CDC73: variants seen among roughly 807,000 people sequenced by gnomAD.
CDC73 encodes parafibromin.
Under a neutral mutation model 83.7 loss-of-function variants are expected in CDC73, and 21 were observed. The observed-to-expected ratio is 0.25, with a 90% CI of 0.18 to 0.36. The LOEUF (loss-of-function observed/expected upper bound fraction) is 0.36, where lower values mean the gene tolerates loss of function less well. Among genes scored for constraint, CDC73 ranks in the 10% least tolerant of loss-of-function variants. The pLI is 1.00. For missense variants in CDC73, 342 were observed against 653.3 expected (o/e 0.52, Z 5.19); for synonymous variants, 224 against 212.9 (o/e 1.05, Z -0.45).
At chr1:193,129,232 A>T (rs993501168) in intron 2 of CDC73, among the ~76,000 whole-genome samples, 14 of 151,818 alleles carry the variant, frequency 9.2e-5, no homozygotes, top group African/African-American at 3.4e-4. Context: ...TCCCGACCTC[A>T]TGATCCACCC....
intron 15 of CDC73, among the ~76,000 whole-genome samples, chr1:193,243,955 T>C (rs1425917434): frequency 6.6e-6 from 1 of 152,164 alleles, no homozygotes; most frequent in African/African-American, 2.4e-5. Flanking sequence ...AAGCAATCCA[T>C]AAAATAGCTA....
intron 5 of CDC73, 89 bp from the exon 6 acceptor site, chr1:193,137,996 A>G: frequency 1.1e-6 from 1 of 936,026 alleles, no homozygotes; most frequent in East Asian, 2.4e-5. Context: ...AGAGGTAGGA[A>G]ATTTGGTAAG....
intron 13 of CDC73, among the ~76,000 whole-genome samples, chr1:193,227,942 A>G (rs1312392559): frequency 6.6e-6 from 1 of 152,176 alleles, no homozygotes; most frequent in Non-Finnish European, 1.5e-5. Flanking sequence ...CCTAAGTTGT[A>G]TTCCATCTGG....
chr1:193,201,828 A>G (rs971008309), intron 10 of CDC73, among the ~76,000 whole-genome samples: 12 of 152,120 alleles, frequency 7.9e-5, no homozygotes, highest in African/African-American at 1.7e-4. Context: ...ATACAGGTGT[A>G]CAACTAATTC....
intron 10 of CDC73, among the ~76,000 whole-genome samples, chr1:193,173,162 T>C (rs2103151449): frequency 6.6e-6 from 1 of 152,276 alleles, no homozygotes; most frequent in Admixed American, 6.5e-5. Flanking sequence ...TTTGTGATCT[T>C]TTTCCTTTAG....
chr1:193,173,918 A>G (rs916468763), intron 10 of CDC73, among the ~76,000 whole-genome samples: 7 of 152,148 alleles, frequency 4.6e-5, no homozygotes, highest in African/African-American at 1.7e-4. Context: ...GGATATCTTT[A>G]TTCTAATATG....
rs376949912 is a variant in CDC73 at position 193,131,159 on chromosome 1, C to G, written c.307+916C>G. Among the ~76,000 whole-genome samples, 7 of 152,220 alleles carry G rather than the reference C, an allele frequency of 4.6e-5. 1 individual carries two copies. The highest frequency in any genetic ancestry group is 1.7e-4 in the African/African-American group (7 of 41,530). On this transcript the variant is annotated intron_variant, in intron 3 of 16. Transcript: ENST00000367435. ...GTTTCCTTGAATGTTGAATAGGCAT[C>G]TGAAATTTAACACTGAAAATGGAAT...
At chr1:193,179,459 A>G (rs1197643107) in intron 10 of CDC73, 1 of 152,670 alleles carries the variant, frequency 6.6e-6, no homozygotes, top group African/African-American at 2.4e-5. Flanking sequence ...GAAGTTAGAT[A>G]TACATGAAAT....
intron 11 of CDC73, among the ~76,000 whole-genome samples, chr1:193,210,086 A>C (rs1221815103): frequency 6.6e-6 from 1 of 152,088 alleles, no homozygotes; most frequent in East Asian, 1.9e-4. Context: ...TGATTTAAGA[A>C]AATTCTAGTA....
chr1:193,130,396 T>C (rs896371769), intron 3 of CDC73, among the ~76,000 whole-genome samples, 153 bp downstream of exon 3: 5 of 152,240 alleles, frequency 3.3e-5, no homozygotes, highest in African/African-American at 1.2e-4. Flanking sequence ...TCTTATACAG[T>C]GGATGCACTG....
At chr1:193,139,416 G>GCCA (rs1296456254) in intron 6 of CDC73, among the ~76,000 whole-genome samples, 1 of 151,950 alleles carries the variant, frequency 6.6e-6, no homozygotes, top group Non-Finnish European at 1.5e-5. Context: ...ACAGGTGCAT[G>GCCA]CCACCACGCC....
intron 2 of CDC73, among the ~76,000 whole-genome samples, chr1:193,125,759 AT>A (rs112649489): frequency 0.022 from 2,906 of 133,694 alleles, 59 homozygotes; most frequent in African/African-American, 0.061. Flanking sequence ...GTATTAACAC[AT>A]TTTTTTTTTT....
rs2103126183 is a variant in CDC73, at chr1:193,141,877, A to G, written c.540A>G (p.Glu180=). The change falls in exon 7 of 17, where the codon GAA becomes GAG. Residue 180 remains glutamate, a synonymous_variant. Transcript: ENST00000367435. ...CTTTGTCTGAAGCTATGTCAGTGGA[A>G]AAAATTGCTGCAATCAAAGCCAAAA... The part of the protein sequence containing the change: ...IRSLSEAMSV[E]KIAAIKAKIM... 6 of 1,613,634 alleles carry G rather than the reference A, an allele frequency of 3.7e-6. No individual in the cohort carries two copies. The highest frequency in any genetic ancestry group is 5.1e-6 in the Non-Finnish European group (6 of 1,179,628).
At chr1:193,134,851 A>G (rs1271001926) in intron 3 of CDC73, among the ~76,000 whole-genome samples, 1 of 152,222 alleles carries the variant, frequency 6.6e-6, no homozygotes, top group Non-Finnish European at 1.5e-5. Flanking sequence ...AAGGATATAT[A>G]AGAGACTAGT....
intron 10 of CDC73, chr1:193,179,130 C>T (rs1305706241): frequency 1.3e-5 from 2 of 152,054 alleles, no homozygotes; most frequent in Non-Finnish European, 2.9e-5. Context: ...GTTTGTCAAA[C>T]GTTTGTAGTT....
chr1:193,162,277 A>G (rs188621782), intron 10 of CDC73, among the ~76,000 whole-genome samples: 2 of 125,036 alleles, frequency 1.6e-5, no homozygotes, highest in Non-Finnish European at 1.6e-5. Context: ...TAGATAATAT[A>G]TAGTATATAT....
chr1:193,142,461 T>C (rs925553917), intron 7 of CDC73, among the ~76,000 whole-genome samples: 2 of 152,226 alleles, frequency 1.3e-5, no homozygotes, highest in Non-Finnish European at 2.9e-5. Context: ...TATGGAAATC[T>C]GTAGCAAACA....
intron 11 of CDC73, among the ~76,000 whole-genome samples, chr1:193,204,726 A>C (rs1677157738): frequency 6.6e-6 from 1 of 152,208 alleles, no homozygotes; most frequent in Non-Finnish European, 1.5e-5. Context: ...GAGAAGAGTT[A>C]AAGAAAATTT....
At chr1:193,188,408 C>G (rs924975142) in intron 10 of CDC73, among the ~76,000 whole-genome samples, 1 of 149,932 alleles carries the variant, frequency 6.7e-6, no homozygotes, top group Non-Finnish European at 1.5e-5. Flanking sequence ...TGTTCTTAAA[C>G]TTTTTATTAC....
Sources: allele counts gnomAD v4.1 joint callset (sites outside exome capture counted in the v4.1 genomes callset), GRCh38; gene constraint gnomAD v4.1.1; transcripts MANE v1.5; gene names NCBI Gene and HGNC (gene_info 2026-07-23, HGNC 2026-07-21).